The following HECW2 variants were observed in gnomAD, a reference collection of about 807,000 sequenced individuals.
HECW2 encodes the protein HECT, C2 and WW domain containing E3 ubiquitin protein ligase 2.
A neutral mutation model predicts 175.2 loss-of-function variants in HECW2; 61 were observed. That is an observed-to-expected ratio of 0.35 (90% confidence interval 0.28 to 0.43). HECW2 has a LOEUF of 0.43. Among genes scored for constraint, HECW2 ranks in the 20% least tolerant of loss-of-function variants. The pLI is 1.00. For synonymous variants in HECW2, 671 were observed against 731.0 expected, an observed-to-expected ratio of 0.92 and a Z score of 1.32; for missense variants, 1,524 against 2,000.5, an observed-to-expected ratio of 0.76 and a Z score of 4.54.
At chr2:196,464,072 G>A (rs900028377) in intron 1 of HECW2, among the ~76,000 whole-genome samples, 4 of 147,574 alleles carry the variant, frequency 2.7e-5, no homozygotes, top group African/African-American at 1.0e-4. Context: ...CAATACTTCT[G>A]AATAGGAATA....
chr2:196,517,231 GT>G (rs1688182991), intron 1 of HECW2, among the ~76,000 whole-genome samples: 1 of 152,184 alleles, frequency 6.6e-6, no homozygotes, highest in African/African-American at 2.4e-5. Context: ...CTCTAAGCCA[GT>G]ATTTGAAGTT....
At chr2:196,447,977 T>C (rs1696236090) in intron 1 of HECW2, among the ~76,000 whole-genome samples, 1 of 152,180 alleles carries the variant, frequency 6.6e-6, no homozygotes, top group Non-Finnish European at 1.5e-5. Context: ...GAGAATCACT[T>C]GAACCAAGGA....
At chr2:196,527,135 G>C (rs186669460) in intron 1 of HECW2, among the ~76,000 whole-genome samples, 1 of 152,176 alleles carries the variant, frequency 6.6e-6, no homozygotes, top group Non-Finnish European at 1.5e-5. Flanking sequence ...GCGAGACTCC[G>C]TGAGCCTAGG....
intron 1 of HECW2, among the ~76,000 whole-genome samples, chr2:196,559,309 T>G (rs571789973): frequency 1.1e-4 from 17 of 152,152 alleles, no homozygotes; most frequent in African/African-American, 4.1e-4. Context: ...CCCATCAGAG[T>G]CCTACCTGAC....
At chr2:196,351,990 G>A (rs1329152607) in intron 2 of HECW2, among the ~76,000 whole-genome samples, 2 of 152,212 alleles carry the variant, frequency 1.3e-5, no homozygotes, top group East Asian at 1.9e-4. Flanking sequence ...AAACTGTGAC[G>A]ACGACTTTGA....
chr2:196,292,521 C>T (rs749301698), intron 14 of HECW2, 44 bp downstream of exon 14: 2 of 1,555,798 alleles, frequency 1.3e-6, no homozygotes, highest in Non-Finnish European at 1.8e-6. Flanking sequence ...CCACAAGCAG[C>T]CCACAGGCAT....
In HECW2 at chr2:196,307,159, TC is replaced by T; in HGVS notation, c.2659del (p.Glu887ArgfsTer36). The T allele has an allele frequency of 1.2e-6, 2 of 1,613,728 alleles. No individual in the cohort carries two copies. Among genetic ancestry groups the T allele is most frequent in the Non-Finnish European group, 1.7e-6 (2 of 1,179,636 alleles). Reference protein sequence around the residue: ...ENTNAIDGAGEEADFHQASAD... With the variant: ...ENTNAIDGAGXEADFHQASAD... ...ACTGGCTTGGTGAAAGTCAGCTTCC[TC>T]CCCTGCCCCATCAATAGCATTGGTA... On this transcript the variant is annotated frameshift_variant, in exon 12 of 29. Coordinates refer to ENST00000644978, the MANE Select transcript of HECW2 (RefSeq NM_001348768.2). LOFTEE classifies it high-confidence loss of function.
chr2:196,575,906 G>A (rs895220065), intron 1 of HECW2, among the ~76,000 whole-genome samples: 7 of 152,014 alleles, frequency 4.6e-5, no homozygotes, highest in Admixed American at 2.6e-4. Flanking sequence ...CATCACCAAC[G>A]GGAGGGCACC....
At chr2:196,341,285 G>GCCAAAATCACTCCAAAGGAAGTGATTTTA (rs1293063140) in intron 3 of HECW2, among the ~76,000 whole-genome samples, 4 of 151,588 alleles carry the variant, frequency 2.6e-5, no homozygotes, top group Admixed American at 6.6e-5. Flanking sequence ...GAGTGATTTT[G>GCCAAAATCACTCCAAAGGAAGTGATTTTA]CCAAAATCAC....
intron 10 of HECW2, among the ~76,000 whole-genome samples, chr2:196,309,953 G>C (rs1472241131): frequency 1.3e-5 from 2 of 152,152 alleles, no homozygotes; most frequent in Non-Finnish European, 2.9e-5. Context: ...CTCAAAGATG[G>C]AATTTTTTCC....
chr2:196,527,577 C>T (rs968966210), intron 1 of HECW2, among the ~76,000 whole-genome samples: 8 of 152,202 alleles, frequency 5.3e-5, no homozygotes, highest in South Asian at 2.1e-4. Flanking sequence ...TCTGAGGCAA[C>T]GTTAAGGGCA....
chr2:196,538,676 T>TA (rs1232467165), intron 1 of HECW2, among the ~76,000 whole-genome samples: 2 of 152,280 alleles, frequency 1.3e-5, no homozygotes, highest in African/African-American at 4.8e-5. Context: ...ACTTTCAGTT[T>TA]AAAAAAACTA....
chr2:196,567,484 G>A (rs962970676), intron 1 of HECW2, among the ~76,000 whole-genome samples: 1 of 152,136 alleles, frequency 6.6e-6, no homozygotes, highest in Admixed American at 6.5e-5. Flanking sequence ...GTTGCTAACT[G>A]AAAAAGGTCA....
chr2:196,375,022 C>T (rs745708479), intron 2 of HECW2, among the ~76,000 whole-genome samples: 5 of 151,474 alleles, frequency 3.3e-5, no homozygotes, highest in Non-Finnish European at 7.4e-5. Flanking sequence ...ATTAGCCAGT[C>T]GTGGTGGTGC....
intron 1 of HECW2, among the ~76,000 whole-genome samples, chr2:196,442,991 G>T (rs1696083894): frequency 6.6e-6 from 1 of 152,068 alleles, no homozygotes; most frequent in South Asian, 2.1e-4. Context: ...AAGATACTAG[G>T]TAGCCCACAG....
At chr2:196,487,225 G>A (rs568194628) in intron 1 of HECW2, among the ~76,000 whole-genome samples, 2 of 152,050 alleles carry the variant, frequency 1.3e-5, no homozygotes, top group African/African-American at 4.8e-5. Context: ...GAGGTGGGAG[G>A]ATCACTTGAG....
chr2:196,304,014 C>T (rs1047680956), intron 13 of HECW2, among the ~76,000 whole-genome samples: 3 of 152,216 alleles, frequency 2.0e-5, no homozygotes, highest in Non-Finnish European at 4.4e-5. Flanking sequence ...TGATGCCAAG[C>T]TTGCCCTCTA....
Position 196,362,611 on chromosome 2 carries a change from A to G in HECW2, c.293-18847T>C, listed in dbSNP as rs540174128. ...TGTGAAAAAGGACTAAAGCTTTTTC[A>G]AACGTAATATAGCTTTAATGAAAAT... On this transcript the variant is annotated intron_variant, in intron 2 of 28. Transcript: ENST00000644978. 9.2e-5 allele frequency among the ~76,000 whole-genome samples: 14 copies of G among 152,336 alleles called. No individual in the cohort carries two copies. The East Asian group carries it at 2.7e-3, about 29-fold the overall frequency.
intron 15 of HECW2, among the ~76,000 whole-genome samples, chr2:196,278,133 A>AAT (rs71009094): frequency 0.047 from 3,123 of 66,700 alleles, 498 homozygotes; most frequent in South Asian, 0.18. Flanking sequence ...ATAATTAAAA[A>AAT]ATATATATAT....
Sources: allele counts gnomAD v4.1 joint callset (sites outside exome capture counted in the v4.1 genomes callset), GRCh38; gene constraint gnomAD v4.1.1; transcripts MANE v1.5; gene names NCBI Gene and HGNC (gene_info 2026-07-23, HGNC 2026-07-21).